Variants in WWOX observed in about 807,000 individuals in gnomAD.
The protein encoded by WWOX is WW domain-containing oxidoreductase.
WWOX carries 69 observed loss-of-function variants against 46.2 expected under a neutral mutation model. That is an observed-to-expected ratio of 1.49 (90% CI 1.23 to 1.82). The LOEUF is 1.82. Among genes scored for constraint, WWOX ranks in the 40% most tolerant of loss-of-function variants. WWOX has a pLI of 0.00. For synonymous variants in WWOX, 359 were observed against 202.6 expected (o/e 1.77, Z -6.56); for missense variants, 919 against 542.6 (o/e 1.69, Z -6.89).
intron 8 of WWOX, among the ~76,000 whole-genome samples, chr16:78,776,762 T>C (rs1456503381): frequency 1.3e-5 from 2 of 152,018 alleles, no homozygotes; most frequent in South Asian, 2.1e-4. Context: ...GCACCTTACA[T>C]GGCGGCAGGC....
At chr16:78,231,376 C>G (rs556303937) in intron 5 of WWOX, among the ~76,000 whole-genome samples, 1 of 152,288 alleles carries the variant, frequency 6.6e-6, no homozygotes, top group Admixed American at 6.5e-5. Flanking sequence ...GCAAATTAAT[C>G]AACTTGCAGC....
At chr16:78,219,584 C>A (rs1382032369) in intron 5 of WWOX, among the ~76,000 whole-genome samples, 1 of 152,180 alleles carries the variant, frequency 6.6e-6, no homozygotes, top group African/African-American at 2.4e-5. Flanking sequence ...CATTTCTGAT[C>A]TGTACAACTT....
Position 79,031,907 on chromosome 16 carries a change from T to G in WWOX, c.1057-179701T>G, listed in dbSNP as rs28668631. Reference sequence around the variant, plus strand: ...ATATCTGTATACAGATATCTATATATATAGATATCTATATATATAGATATC... The same window carrying G: ...ATATCTGTATACAGATATCTATATAGATAGATATCTATATATATAGATATC... On this transcript the variant is annotated intron_variant, in intron 8 of 8. Transcript: ENST00000566780. 1.2e-3 allele frequency among the ~76,000 whole-genome samples: 49 copies of G among 39,434 alleles called. No individual in the cohort carries two copies. In the Middle Eastern group the frequency reaches 0.048, roughly 38 times the overall value. 25.9% of individuals were successfully genotyped at this position (39,434 alleles called of 152,430 possible). A position where few individuals can be genotyped will look rare whatever the true frequency, so the allele number is the denominator to read the frequency against.
At chr16:78,419,960 A>G (rs979771629) in intron 6 of WWOX, among the ~76,000 whole-genome samples, 5 of 152,182 alleles carry the variant, frequency 3.3e-5, no homozygotes. Flanking sequence ...CATTTAAAAA[A>G]TGAGCATAAG....
intron 8 of WWOX, among the ~76,000 whole-genome samples, chr16:79,125,663 C>G (rs536743454): frequency 6.6e-6 from 1 of 152,138 alleles, no homozygotes; most frequent in African/African-American, 2.4e-5. Context: ...TAGAGCAACC[C>G]CAACCCCCAG....
chr16:78,935,566 T>A (rs1309816517), intron 8 of WWOX, among the ~76,000 whole-genome samples: 1 of 139,316 alleles, frequency 7.2e-6, no homozygotes, highest in Non-Finnish European at 1.5e-5. Context: ...TGAGAACACT[T>A]GGACACAGGA....
chr16:79,121,509 T>G, intron 8 of WWOX, among the ~76,000 whole-genome samples: 1 of 152,168 alleles, frequency 6.6e-6, no homozygotes, highest in African/African-American at 2.4e-5. Flanking sequence ...TACGGGGCTG[T>G]GGGATGGGTA....
At chr16:79,089,958 C>G (rs1407483357) in intron 8 of WWOX, 3 of 144,402 alleles carry the variant, frequency 2.1e-5, no homozygotes, top group Non-Finnish European at 3.0e-5. Context: ...AGAGTGAACA[C>G]TGGAAAAAAA....
intron 4 of WWOX, among the ~76,000 whole-genome samples, chr16:78,163,941 C>T (rs1426534356): frequency 6.6e-6 from 1 of 152,010 alleles, no homozygotes; most frequent in African/African-American, 2.4e-5. Context: ...CAGGGGCTGC[C>T]CTGTTCATGG....
At chr16:78,865,226 T>A in intron 8 of WWOX, among the ~76,000 whole-genome samples, 1 of 152,030 alleles carries the variant, frequency 6.6e-6, no homozygotes, top group East Asian at 1.9e-4. Context: ...ATGCGATCAG[T>A]TTTTTTTCCT....
chr16:78,583,338 T>G (rs2045111478), intron 8 of WWOX, among the ~76,000 whole-genome samples: 1 of 152,168 alleles, frequency 6.6e-6, no homozygotes, highest in African/African-American at 2.4e-5. Flanking sequence ...CCAGAGTAAT[T>G]CTGACAGTAC....
chr16:78,412,308 T>G (rs2082700259), intron 6 of WWOX, among the ~76,000 whole-genome samples: 1 of 152,092 alleles, frequency 6.6e-6, no homozygotes, highest in South Asian at 2.1e-4. Flanking sequence ...GGAGAGAAGA[T>G]GAAGAGTTTA....
At chr16:78,708,915 A>T (rs2048380182) in intron 8 of WWOX, among the ~76,000 whole-genome samples, 1 of 152,246 alleles carries the variant, frequency 6.6e-6, no homozygotes, top group Non-Finnish European at 1.5e-5. Context: ...AGAGTAAGTC[A>T]GAAAAATAAA....
chr16:78,582,064 A>G (rs368785942), intron 8 of WWOX, among the ~76,000 whole-genome samples: 26 of 152,312 alleles, frequency 1.7e-4, no homozygotes, highest in South Asian at 6.2e-4. Flanking sequence ...CTGAGAAGGA[A>G]CGCTGGGTGC....
rs187435872 is a variant in WWOX at position 78,682,133 on chromosome 16, G to T, written c.1056+249381G>T. ...GTAGACACTCAGCAAATGGCCTTTG[G>T]TGTTACTGTTATTTTATTTTTACTA... On this transcript the variant is annotated intron_variant, in intron 8 of 8. Coordinates refer to ENST00000566780, the MANE Select transcript of WWOX (RefSeq NM_016373.4). 2.0e-5 allele frequency among the ~76,000 whole-genome samples: 3 copies of T among 152,186 alleles called. No individual in the cohort carries two copies. In the East Asian group the frequency reaches 5.8e-4, roughly 29 times the overall value.
chr16:78,562,479 C>A (rs751921587), intron 8 of WWOX, among the ~76,000 whole-genome samples: 3 of 152,198 alleles, frequency 2.0e-5, no homozygotes, highest in African/African-American at 4.8e-5. Context: ...AGGCCCCTAA[C>A]CTCCCAGGTT....
chr16:78,299,606 C>T (rs1962188929), intron 5 of WWOX, among the ~76,000 whole-genome samples: 1 of 151,502 alleles, frequency 6.6e-6, no homozygotes, highest in African/African-American at 2.4e-5. Flanking sequence ...TAGCTCACTG[C>T]AGCCTCCACT....
intron 5 of WWOX, among the ~76,000 whole-genome samples, chr16:78,354,899 CA>C (rs2081253179): frequency 6.6e-6 from 1 of 151,932 alleles, no homozygotes; most frequent in South Asian, 2.1e-4. Context: ...TTTTGGAGGC[CA>C]AGGTGAGGAG....
chr16:79,100,611 A>C (rs1175118507), intron 8 of WWOX, among the ~76,000 whole-genome samples: 1 of 152,134 alleles, frequency 6.6e-6, no homozygotes, highest in African/African-American at 2.4e-5. Context: ...GTGTCTCTTA[A>C]CAAATGTTGT....
Sources: gnomAD v4.1 joint callset for allele counts (sites outside exome capture counted in the v4.1 genomes callset) on GRCh38, gnomAD v4.1.1 for gene constraint, MANE v1.5 for transcripts, NCBI Gene and HGNC (gene_info 2026-07-23, HGNC 2026-07-21) for gene names.